ADGB: variants seen among roughly 807,000 people sequenced by gnomAD.
The protein encoded by ADGB is androglobin.
In ADGB, 172 loss-of-function variants were observed where a neutral mutation model predicts 210.5. That is an observed-to-expected ratio of 0.82 (90% confidence interval 0.72 to 0.93). The LOEUF (loss-of-function observed/expected upper bound fraction) is 0.93. Among genes scored for constraint, ADGB ranks in the 40% least tolerant of loss-of-function variants. The pLI is 0.00. For synonymous variants in ADGB, 658 were observed against 662.7 expected (o/e 0.99, Z 0.11); for missense variants, 2,025 against 1,964.8 (o/e 1.03, Z -0.58).
At chr6:146,692,650 T>C (rs527988815) in intron 11 of ADGB, among the ~76,000 whole-genome samples, 175 bp from the exon 12 acceptor site, 34 of 152,332 alleles carry the variant, frequency 2.2e-4, no homozygotes, top group Admixed American at 5.9e-4. Flanking sequence ...CGTAAAGATC[T>C]ATAAACTCTT....
chr6:146,637,811 A>C (rs1478542554), intron 2 of ADGB, among the ~76,000 whole-genome samples: 1 of 152,056 alleles, frequency 6.6e-6, no homozygotes, highest in Non-Finnish European at 1.5e-5. Flanking sequence ...CCAGATGTAC[A>C]AAGACAAGCT....
In ADGB at chr6:146,635,392, G is replaced by C; in HGVS notation, c.92G>C (p.Ser31Thr). 1 of 1,532,330 alleles carries C rather than the reference G, an allele frequency of 6.5e-7. No homozygotes were observed. Among genetic ancestry groups the C allele is most frequent in the Non-Finnish European group, 8.8e-7 (1 of 1,138,098 alleles). The allele number at this position is 1,532,330 out of a possible 1,614,324, so 94.9% of individuals were successfully genotyped here. ...CTGTCTAGTTTCTATCCTTTTGGCA[G>C]TAATGTACAATCTGGTTCTACTGAA... ...DKSKDFYPFG[S>T]NVQSGSTEQK... The change falls in exon 2 of 36, where the codon AGT becomes ACT. Residue 31 changes from serine to threonine, a missense_variant. By Grantham distance (58) the Ser-to-Thr change is moderately conservative (BLOSUM62 1). Transcript: ENST00000397944.
chr6:146,706,379 C>T (rs1776569945), intron 13 of ADGB, among the ~76,000 whole-genome samples: 1 of 151,902 alleles, frequency 6.6e-6, no homozygotes, highest in Admixed American at 6.6e-5. Context: ...CCTGTCTCAG[C>T]CTCTCGAGTA....
At chr6:146,733,846 G>A (rs757443672) in intron 21 of ADGB, 47 bp from the exon 22 acceptor site, 3 of 1,548,022 alleles carry the variant, frequency 1.9e-6, no homozygotes, top group South Asian at 2.4e-5. Flanking sequence ...ACTTAGGGAA[G>A]GGATTAAATA....
At chr6:146,723,750 AT>A (rs969491804) in intron 17 of ADGB, among the ~76,000 whole-genome samples, 14 of 152,038 alleles carry the variant, frequency 9.2e-5, no homozygotes, top group African/African-American at 2.9e-4. Context: ...AAAATAAATA[AT>A]TTTTTTGATA....
At chr6:146,691,438 A>AAAT (rs1776313375) in intron 11 of ADGB, 148 bp downstream of exon 11, 1 of 33,532 alleles carries the variant, frequency 3.0e-5, no homozygotes, top group Admixed American at 4.9e-4. Flanking sequence ...ATATATATAT[A>AAAT]TATAAAAATA....
At chr6:146,806,246 CAG>C (rs1157996569) in intron 35 of ADGB, among the ~76,000 whole-genome samples, 1 of 152,148 alleles carries the variant, frequency 6.6e-6, no homozygotes, top group African/African-American at 2.4e-5. Context: ...GTGAGAGGCA[CAG>C]AGAGAGCCCT....
chr6:146,607,731 T>G (rs1780651490), intron 1 of ADGB, among the ~76,000 whole-genome samples: 1 of 151,972 alleles, frequency 6.6e-6, no homozygotes, highest in Non-Finnish European at 1.5e-5. Flanking sequence ...TTGCATCCCA[T>G]GAATAATGCC....
chr6:146,712,673 A>G (rs1776675840), intron 13 of ADGB, among the ~76,000 whole-genome samples: 1 of 151,720 alleles, frequency 6.6e-6, no homozygotes, highest in Non-Finnish European at 1.5e-5. Flanking sequence ...CTTTCTCCCA[A>G]TTTATTCTCT....
At chr6:146,731,069 T>G (rs1187000969) in intron 20 of ADGB, among the ~76,000 whole-genome samples, 1 of 152,172 alleles carries the variant, frequency 6.6e-6, no homozygotes, top group Non-Finnish European at 1.5e-5. Context: ...GCAACCTCTT[T>G]CCTTATTTTT....
At chr6:146,702,134 T>TA (rs146363532) in intron 13 of ADGB, among the ~76,000 whole-genome samples, 1,822 of 151,976 alleles carry the variant, frequency 0.012, 12 homozygotes, top group Middle Eastern at 0.037. Context: ...CTTCATTGGA[T>TA]ATCATATTAG....
intron 6 of ADGB, among the ~76,000 whole-genome samples, chr6:146,666,516 A>G (rs950000086): frequency 1.3e-5 from 2 of 151,952 alleles, no homozygotes; most frequent in African/African-American, 4.8e-5. Flanking sequence ...TTATATTCTA[A>G]TTATATATTT....
intron 5 of ADGB, among the ~76,000 whole-genome samples, chr6:146,657,734 C>A (rs1190676223): frequency 1.3e-5 from 2 of 152,176 alleles, no homozygotes; most frequent in South Asian, 2.1e-4. Context: ...CCTCTTCTGG[C>A]TTTTGCTGTA....
chr6:146,798,437 G>A (rs1441340671), intron 33 of ADGB, among the ~76,000 whole-genome samples: 1 of 152,090 alleles, frequency 6.6e-6, no homozygotes, highest in East Asian at 1.9e-4. Context: ...GACCGATAAA[G>A]GCTAGTTATG....
chr6:146,694,217 G>A (rs1464169681), intron 12 of ADGB, among the ~76,000 whole-genome samples: 1 of 152,132 alleles, frequency 6.6e-6, no homozygotes, highest in Non-Finnish European at 1.5e-5. Flanking sequence ...TGTTTGGGCT[G>A]CTATAACAAA....
chr6:146,717,169 A>C (rs1583603535), intron 15 of ADGB, 100 bp downstream of exon 15: 1 of 1,010,864 alleles, frequency 9.9e-7, no homozygotes. Context: ...TTGCATATTT[A>C]ATATAGTGGT....
At chr6:146,625,287 A>C (rs1780956330) in intron 1 of ADGB, among the ~76,000 whole-genome samples, 1 of 152,090 alleles carries the variant, frequency 6.6e-6, no homozygotes, top group Non-Finnish European at 1.5e-5. Flanking sequence ...ATATGCACCC[A>C]GTGAATTTTC....
rs534277261 is a variant in ADGB, at chr6:146,752,514, C to T, written c.3366-16C>T. 1.2e-5 allele frequency: 19 copies of T among 1,525,606 alleles called. No homozygotes were observed. In the South Asian group the frequency reaches 2.1e-4, roughly 17 times the overall value. The allele number at this position is 1,525,606 out of a possible 1,614,324, so 94.5% of individuals were successfully genotyped here. Reference sequence around the variant, plus strand: ...CCAACATACTTGCTTATAATGTTAACTTTTTTTCTTTACAGGTATTCGGTT... The same window carrying T: ...CCAACATACTTGCTTATAATGTTAATTTTTTTTCTTTACAGGTATTCGGTT... On this transcript the variant is annotated splice_polypyrimidine_tract_variant and intron_variant, in intron 26 of 35. Transcript: ENST00000397944.
chr6:146,724,079 C>A, intron 17 of ADGB, 107 bp from the exon 18 acceptor site: 4 of 917,226 alleles, frequency 4.4e-6, no homozygotes, highest in Non-Finnish European at 6.3e-6. Flanking sequence ...ATTTCTAATG[C>A]TTGATTATTG....
Sources: gnomAD v4.1 joint callset for allele counts (sites outside exome capture counted in the v4.1 genomes callset) on GRCh38, gnomAD v4.1.1 for gene constraint, MANE v1.5 for transcripts, NCBI Gene and HGNC (gene_info 2026-07-23, HGNC 2026-07-21) for gene names.